The following COL4A2 variants were observed in gnomAD, a reference collection of about 807,000 sequenced individuals.
COL4A2 encodes the protein collagen alpha-2(IV) chain.
A neutral mutation model predicts 200.2 loss-of-function variants in COL4A2; 99 were observed. The ratio of observed to expected loss-of-function variants is 0.49; its 90% CI spans 0.42 to 0.58. The LOEUF (loss-of-function observed/expected upper bound fraction) is 0.58. COL4A2 is among the 20% of genes least tolerant of loss of function. The pLI is 0.00. For synonymous variants in COL4A2, 897 were observed against 900.6 expected (o/e 1.00, Z 0.07); for missense variants, 1,950 against 2,314.1 (o/e 0.84, Z 3.23).
In COL4A2 at chr13:110,458,895, C is replaced by G; in HGVS notation, c.1557C>G (p.Asp519Glu). The G allele has an allele frequency of 6.3e-7, 1 of 1,597,780 alleles. No individual in the cohort carries two copies. The highest frequency in any genetic ancestry group is 8.5e-7 in the Non-Finnish European group (1 of 1,172,166). The change falls in exon 22 of 48, where the codon GAC (aspartate) becomes GAG (glutamate). Residue 519 changes from aspartate to glutamate, a missense_variant. Asp to Glu is a conservative substitution (Grantham distance 45, BLOSUM62 2). Around this residue, in one of 2 missense-constraint regions of COL4A2, gnomAD observed 1,385 missense variants for 1,720.5 expected, o/e 0.80. Transcript: ENST00000360467. ...GEPGRKGDRG[D>E]PGQHGLPGFP... Reference sequence around the variant, plus strand: ...CGGGGAGGAAAGGGGACAGAGGAGACCCCGGCCAACACGGCCTCCCTGGGT... The same window carrying G: ...CGGGGAGGAAAGGGGACAGAGGAGAGCCCGGCCAACACGGCCTCCCTGGGT...
intron 4 of COL4A2, among the ~76,000 whole-genome samples, chr13:110,403,770 A>T (rs1879462351): frequency 6.6e-6 from 1 of 152,188 alleles, no homozygotes; most frequent in South Asian, 2.1e-4. Context: ...TTACCCCAGC[A>T]TCCCACTTTT....
chr13:110,455,517 T>TCC (rs1881696176), intron 20 of COL4A2, among the ~76,000 whole-genome samples: 2 of 152,178 alleles, frequency 1.3e-5, no homozygotes, highest in Non-Finnish European at 2.9e-5. Flanking sequence ...AAAATCCGCA[T>TCC]TAGTGTGTTT....
rs574619547 is a variant in COL4A2 at position 110,512,639 on chromosome 13, G to A, written c.*448G>A. On this transcript the variant is annotated 3_prime_UTR_variant, in exon 48 of 48. Transcript: ENST00000360467. ...GCACCCGTCCCCACACGAGGGCCCC[G>A]TGGGTGGGCCTGGCCCTGCTTTCTA... 8.0e-5 allele frequency: 14 copies of A among 174,850 alleles called. No homozygotes were observed. The highest frequency in any genetic ancestry group is 1.5e-4 in the South Asian group (1 of 6,660). The allele number at this position is 174,850 out of a possible 1,614,324, so 10.8% of individuals were successfully genotyped here.
Position 110,462,123 on chromosome 13 carries a change from G to A in COL4A2, c.1606G>A (p.Gly536Ser). 6.2e-7 allele frequency: 1 copy of A among 1,614,262 alleles called. No individual in the cohort carries two copies. The highest frequency in any genetic ancestry group is 8.5e-7 in the Non-Finnish European group (1 of 1,180,042). Residue 536 changes from glycine to serine, a missense_variant, in exon 23 of 48, where the codon GGC becomes AGC. Gly to Ser is a moderately conservative substitution (Grantham distance 56). Transcript: ENST00000360467. ...TGTCTGTTTTCCACAGGGAGTGCCT[G>A]GCAACATTGGTGCTCCCGGACCCAA... is the stretch of plus-strand genomic sequence containing the variant. ...PGFPGLKGVPGNIGAPGPKGA... is the reference protein window; with the variant it reads ...PGFPGLKGVPSNIGAPGPKGA...
At chr13:110,396,296 G>C (rs1879178588) in intron 4 of COL4A2, among the ~76,000 whole-genome samples, 1 of 152,192 alleles carries the variant, frequency 6.6e-6, no homozygotes, top group African/African-American at 2.4e-5. Flanking sequence ...CTCGCAGATT[G>C]AGAACGATTT....
At chr13:110,383,719 G>A (rs562620819) in intron 4 of COL4A2, among the ~76,000 whole-genome samples, 46 of 145,866 alleles carry the variant, frequency 3.2e-4, no homozygotes, top group Admixed American at 1.1e-3. Flanking sequence ...GGGTTCAAGC[G>A]ATTCTCGTGC....
chr13:110,356,218 G>C (rs1023862683), intron 3 of COL4A2, among the ~76,000 whole-genome samples: 2 of 152,176 alleles, frequency 1.3e-5, no homozygotes, highest in African/African-American at 2.4e-5. Context: ...ACTTAAGGTT[G>C]TATCTCCTTC....
At chr13:110,395,437 C>T (rs1201172322) in intron 4 of COL4A2, among the ~76,000 whole-genome samples, 2 of 152,148 alleles carry the variant, frequency 1.3e-5, no homozygotes, top group East Asian at 1.9e-4. Flanking sequence ...AGGTGTCCCA[C>T]GATCTCAGTG....
Position 110,424,936 on chromosome 13 carries a change from A to G in COL4A2, c.316-17A>G. On this transcript the variant is annotated splice_polypyrimidine_tract_variant and intron_variant, in intron 5 of 47. Transcript: ENST00000360467. ...GGGTATCTCAGCCTTGGTTAATTGCATTTGCTTTCTTCATAGGGAGCAAGA... is the reference window on the plus strand; with the variant it reads ...GGGTATCTCAGCCTTGGTTAATTGCGTTTGCTTTCTTCATAGGGAGCAAGA... The G allele has an allele frequency of 6.2e-7, 1 of 1,613,566 alleles. No homozygotes were observed.
intron 17 of COL4A2, among the ~76,000 whole-genome samples, chr13:110,446,138 AGCCCTGGGGAAGGCAG>A (rs1412422608): frequency 1.3e-5 from 2 of 152,220 alleles, no homozygotes; most frequent in Non-Finnish European, 2.9e-5. Context: ...GGAAGCCAGC[AGCCCTGGGGAAGGCAG>A]GCCTTGTAGT....
intron 3 of COL4A2, among the ~76,000 whole-genome samples, chr13:110,335,542 C>T (rs1161594756): frequency 2.0e-5 from 3 of 152,162 alleles, no homozygotes; most frequent in East Asian, 3.9e-4. Flanking sequence ...ACTGTGAGTC[C>T]TTTAAACCCC....
chr13:110,480,116 C>G, intron 30 of COL4A2, 104 bp from the exon 31 acceptor site: 1 of 1,269,716 alleles, frequency 7.9e-7, no homozygotes, highest in Non-Finnish European at 1.1e-6. Flanking sequence ...CACTTTCCTT[C>G]TAAGGAGCTT....
intron 6 of COL4A2, among the ~76,000 whole-genome samples, chr13:110,425,835 G>A (rs1880452253): frequency 1.3e-5 from 2 of 152,234 alleles, no homozygotes; most frequent in Admixed American, 6.5e-5. Context: ...GAGGGAATGA[G>A]TGAGTGGAGG....
Position 110,458,780 on chromosome 13 carries a change from G to A in COL4A2, c.1442G>A (p.Gly481Glu), listed in dbSNP as rs1000663745. The change falls in exon 22 of 48, where the codon GGG becomes GAG. Residue 481 changes from glycine (G) to glutamate (E), a missense_variant. This residue lies in a region of COL4A2 where 1,385 missense variants were observed against 1,720.5 expected (regional missense o/e 0.80). Transcript: ENST00000360467. ...TCTCCCTCCTCTGCAGGTGACGCTG[G>A]GGAATGCAGATGTACAGAAGGCGAC... ...RGPKGWKGDA[G>E]ECRCTEGDEA... 1.2e-6 allele frequency: 2 copies of A among 1,614,092 alleles called. No individual in the cohort carries two copies. The highest frequency in any genetic ancestry group is 1.3e-5 in the African/African-American group (1 of 75,048).
At chr13:110,469,073 G>T in intron 27 of COL4A2, 144 bp from the exon 28 acceptor site, 2 of 803,486 alleles carry the variant, frequency 2.5e-6, no homozygotes, top group Admixed American at 2.7e-5. Context: ...TGTAAGCCTG[G>T]AGGTGCTGTT....
chr13:110,321,675 A>G (rs940733750), intron 3 of COL4A2, among the ~76,000 whole-genome samples: 4 of 152,236 alleles, frequency 2.6e-5, no homozygotes, highest in African/African-American at 7.2e-5. Context: ...AGACTGGGCA[A>G]TTTACAAAAG....
chr13:110,315,037 A>T (rs1254115000), intron 3 of COL4A2, among the ~76,000 whole-genome samples: 1 of 152,238 alleles, frequency 6.6e-6, no homozygotes, highest in African/African-American at 2.4e-5. Context: ...TGCCTTGCAC[A>T]GTTGCCTGTC....
intron 4 of COL4A2, among the ~76,000 whole-genome samples, chr13:110,401,214 A>G (rs1879360323): frequency 6.6e-6 from 1 of 152,264 alleles, no homozygotes; most frequent in Admixed American, 6.5e-5. Context: ...GCTCATAGGT[A>G]CAAACCTTGT....
intron 39 of COL4A2, among the ~76,000 whole-genome samples, chr13:110,494,224 G>A (rs1883379466): frequency 6.6e-6 from 1 of 152,144 alleles, no homozygotes. Flanking sequence ...CCCTTCCAGG[G>A]TATAATAACA....
Sources: gnomAD v4.1 joint callset for allele counts (sites outside exome capture counted in the v4.1 genomes callset) on GRCh38, gnomAD v4.1.1 for gene constraint, gnomAD v4.1.1 regional missense constraint, MANE v1.5 for transcripts, NCBI Gene and HGNC (gene_info 2026-07-23, HGNC 2026-07-21) for gene names.